Variants in NLGN1 observed in about 807,000 individuals in gnomAD.
The protein encoded by NLGN1 is neuroligin-1.
In NLGN1, 12 loss-of-function variants were observed where a neutral mutation model predicts 65.5. The observed-to-expected ratio is 0.18, with a 90% CI of 0.12 to 0.30. The LOEUF (loss-of-function observed/expected upper bound fraction) is 0.30. NLGN1 is among the 10% of genes least tolerant of loss of function. The probability of loss-of-function intolerance (pLI) is 1.00; values close to 1 mark genes in which losing one functional copy is unlikely to be tolerated. For synonymous variants in NLGN1, 350 were observed against 359.5 expected (o/e 0.97, Z 0.30); for missense variants, 750 against 1,007.1 (o/e 0.74, Z 3.46).
At chr3:174,139,298 A>G (rs1721859922) in intron 4 of NLGN1, among the ~76,000 whole-genome samples, 1 of 152,018 alleles carries the variant, frequency 6.6e-6, no homozygotes. Flanking sequence ...CCTGGCAATC[A>G]CTGACCTTTT....
intron 2 of NLGN1, among the ~76,000 whole-genome samples, chr3:173,454,762 A>T (rs1290718947): frequency 6.6e-6 from 1 of 152,198 alleles, no homozygotes; most frequent in African/African-American, 2.4e-5. Flanking sequence ...TTGATCTTTT[A>T]TCCAGACTAC....
chr3:174,259,434 C>CT (rs979304123), intron 4 of NLGN1, among the ~76,000 whole-genome samples: 3 of 150,722 alleles, frequency 2.0e-5, no homozygotes, highest in South Asian at 2.1e-4. Flanking sequence ...GAGGAGATGG[C>CT]TTTTTTTTTC....
intron 2 of NLGN1, among the ~76,000 whole-genome samples, chr3:173,548,267 C>T (rs778197302): frequency 2.0e-5 from 3 of 152,102 alleles, no homozygotes; most frequent in Non-Finnish European, 4.4e-5. Context: ...AAATTAATTT[C>T]TGGTCAATAT....
intron 3 of NLGN1, among the ~76,000 whole-genome samples, chr3:173,634,272 A>G (rs1363184551): frequency 6.6e-6 from 1 of 152,178 alleles, no homozygotes; most frequent in Non-Finnish European, 1.5e-5. Context: ...TTAAAAATAA[A>G]AAAAGAAAAT....
At chr3:173,476,208 G>A (rs1726176998) in intron 2 of NLGN1, among the ~76,000 whole-genome samples, 1 of 152,188 alleles carries the variant, frequency 6.6e-6, no homozygotes, top group African/African-American at 2.4e-5. Context: ...TGGGGACTCT[G>A]TCTCTAGAGA....
chr3:173,564,656 C>T (rs760391051), intron 2 of NLGN1, among the ~76,000 whole-genome samples: 13 of 152,342 alleles, frequency 8.5e-5, no homozygotes, highest in South Asian at 2.1e-4. Flanking sequence ...ACTTTCATTA[C>T]TGTGAACCCT....
At chr3:173,986,273 G>A (rs934261159) in intron 4 of NLGN1, among the ~76,000 whole-genome samples, 5 of 151,792 alleles carry the variant, frequency 3.3e-5, no homozygotes, top group African/African-American at 9.7e-5. Context: ...TTGAGACAAG[G>A]CTGACCAACA....
intron 4 of NLGN1, among the ~76,000 whole-genome samples, chr3:173,889,706 AT>A (rs1205963513): frequency 6.6e-6 from 1 of 152,168 alleles, no homozygotes; most frequent in African/African-American, 2.4e-5. Context: ...GGCAACGACC[AT>A]GATAGTTGTT....
chr3:173,957,520 A>T (rs1417531556), intron 4 of NLGN1, among the ~76,000 whole-genome samples: 1 of 152,174 alleles, frequency 6.6e-6, no homozygotes, highest in Non-Finnish European at 1.5e-5. Context: ...GAAGAACCTG[A>T]GATTTTTAGC....
At chr3:173,397,138 C>CT (rs1185770361), upstream of NLGN1, among the ~76,000 whole-genome samples, 4 of 152,096 alleles carry the variant, frequency 2.6e-5, no homozygotes, top group South Asian at 4.2e-4. Context: ...CTCCCAAACG[C>CT]TTTTTTTCAT....
At position 173,817,427 on chromosome 3, in the gene NLGN1, C is replaced by T. The variant is rs376131999; in HGVS notation, c.646+9595C>T. The stretch of plus-strand genomic sequence containing the variant: ...GATACAAAAAGCACGGCTAATACCT[C>T]GTTAAAGTGAGACGGTTGGTAGTCA... On this transcript the variant is annotated intron_variant, in intron 4 of 6. Transcript: ENST00000457714. Among the ~76,000 whole-genome samples, 5 of 152,298 alleles carry T rather than the reference C, an allele frequency of 3.3e-5. 1 individual carries two copies. Among genetic ancestry groups the T allele is most frequent in the East Asian group, 3.9e-4 (2 of 5,188 alleles).
downstream of NLGN1, among the ~76,000 whole-genome samples, chr3:174,289,943 G>GTATATATGTGTA (rs1752552578): frequency 1.4e-5 from 1 of 69,952 alleles, no homozygotes; most frequent in Non-Finnish European, 2.8e-5. Context: ...ATATATGTAT[G>GTATATATGTGTA]TATATATATG....
chr3:173,491,777 C>G (rs1451346069), intron 2 of NLGN1, among the ~76,000 whole-genome samples: 2 of 151,754 alleles, frequency 1.3e-5, no homozygotes, highest in Non-Finnish European at 2.9e-5. Flanking sequence ...ATCTCCTAAA[C>G]TGAGCATTAT....
At chr3:173,771,175 A>C (rs1468151809) in intron 3 of NLGN1, among the ~76,000 whole-genome samples, 1 of 152,116 alleles carries the variant, frequency 6.6e-6, no homozygotes, top group African/African-American at 2.4e-5. Context: ...ATTTATTTTA[A>C]TCACCCTGAT....
intron 3 of NLGN1, among the ~76,000 whole-genome samples, chr3:173,804,380 G>C (rs1374786785): frequency 6.6e-6 from 1 of 152,022 alleles, no homozygotes; most frequent in African/African-American, 2.4e-5. Context: ...AAAATTCATA[G>C]TTCACAAATT....
intron 3 of NLGN1, among the ~76,000 whole-genome samples, chr3:173,756,828 AAAAAC>A (rs1259212089): frequency 6.6e-6 from 1 of 151,886 alleles, no homozygotes; most frequent in Non-Finnish European, 1.5e-5. Context: ...CGGTAGAAAA[AAAAAC>A]AAATTTACAT....
At chr3:173,741,750 C>T (rs1774685022) in intron 3 of NLGN1, among the ~76,000 whole-genome samples, 1 of 151,984 alleles carries the variant, frequency 6.6e-6, no homozygotes, top group African/African-American at 2.4e-5. Flanking sequence ...TCCTTGGCCT[C>T]CCAAAGTGCT....
intron 2 of NLGN1, among the ~76,000 whole-genome samples, chr3:173,448,110 T>G (rs1016353972): frequency 6.6e-6 from 1 of 151,936 alleles, no homozygotes; most frequent in African/African-American, 2.4e-5. Context: ...TGAATAGGAG[T>G]GGTGAGAGAG....
At chr3:173,783,929 T>A (rs1031048091) in intron 3 of NLGN1, among the ~76,000 whole-genome samples, 1 of 152,304 alleles carries the variant, frequency 6.6e-6, no homozygotes, top group East Asian at 1.9e-4. Flanking sequence ...ATCTGTTTTA[T>A]AATATTCTGG....
Sources: gnomAD v4.1 joint callset for allele counts (sites outside exome capture counted in the v4.1 genomes callset) on GRCh38, gnomAD v4.1.1 for gene constraint, MANE v1.5 for transcripts, NCBI Gene and HGNC (gene_info 2026-07-23, HGNC 2026-07-21) for gene names.